Variants in KAZN observed in about 807,000 individuals in gnomAD.
The protein encoded by KAZN is kazrin.
In KAZN, 40 loss-of-function variants were observed where a neutral mutation model predicts 87.4. That is an observed-to-expected ratio of 0.46 (90% CI 0.36 to 0.60). KAZN has a LOEUF of 0.60. KAZN is among the 20% of genes least tolerant of loss of function. The pLI is 0.00. For synonymous variants in KAZN, 466 were observed against 458.3 expected (o/e 1.02, Z -0.22); for missense variants, 898 against 1,073.9 (o/e 0.84, Z 2.29).
chr1:14,346,480 A>G (rs1040697875), intron 2 of KAZN, among the ~76,000 whole-genome samples: 1 of 152,128 alleles, frequency 6.6e-6, no homozygotes, highest in Non-Finnish European at 1.5e-5. Flanking sequence ...GCTTGGCAAG[A>G]TAAGAGTAGG....
At chr1:14,386,878 A>G (rs1334061582) in intron 2 of KAZN, among the ~76,000 whole-genome samples, 1 of 152,074 alleles carries the variant, frequency 6.6e-6, no homozygotes, top group Non-Finnish European at 1.5e-5. Flanking sequence ...TGGATTGGGG[A>G]AGTTCCCCTG....
chr1:15,007,810 C>T (rs1669183014), intron 2 of KAZN, among the ~76,000 whole-genome samples: 1 of 152,214 alleles, frequency 6.6e-6, no homozygotes, highest in African/African-American at 2.4e-5. Flanking sequence ...AATGCCACCG[C>T]CCATTTCACT....
At chr1:14,827,339 A>G (rs1402757384) in intron 1 of KAZN, among the ~76,000 whole-genome samples, 1 of 151,946 alleles carries the variant, frequency 6.6e-6, no homozygotes, top group Non-Finnish European at 1.5e-5. Context: ...GATTTGTGAG[A>G]TTTTGGTGCA....
At chr1:14,836,367 T>G (rs914756397) in intron 1 of KAZN, among the ~76,000 whole-genome samples, 14 of 152,202 alleles carry the variant, frequency 9.2e-5, no homozygotes, top group African/African-American at 3.1e-4. Flanking sequence ...GGGGAGTGGG[T>G]GGGACGAGCT....
chr1:14,639,823 C>T (rs947311225), intron 1 of KAZN, among the ~76,000 whole-genome samples: 2 of 152,176 alleles, frequency 1.3e-5, no homozygotes, highest in African/African-American at 2.4e-5. Flanking sequence ...GGTGCACACC[C>T]GCTGTGGCCA....
At chr1:14,004,304 A>T (rs538929407) in intron 1 of KAZN, among the ~76,000 whole-genome samples, 1 of 152,352 alleles carries the variant, frequency 6.6e-6, no homozygotes, top group African/African-American at 2.4e-5. Context: ...ATTTTGGAAA[A>T]GTGTTTGGCA....
chr1:14,997,252 T>G (rs988824608), intron 2 of KAZN, among the ~76,000 whole-genome samples: 1 of 148,102 alleles, frequency 6.8e-6, no homozygotes, highest in Non-Finnish European at 1.5e-5. Context: ...TTTATTTATT[T>G]ATTTTGAGAC....
chr1:14,418,617 T>C (rs564217249), intron 2 of KAZN, among the ~76,000 whole-genome samples: 5 of 152,358 alleles, frequency 3.3e-5, no homozygotes, highest in East Asian at 1.9e-4. Context: ...GCTTGTTTTA[T>C]AGACAATCTG....
intron 2 of KAZN, among the ~76,000 whole-genome samples, chr1:14,323,027 A>G (rs1656154205): frequency 6.6e-6 from 1 of 152,170 alleles, no homozygotes; most frequent in Non-Finnish European, 1.5e-5. Context: ...AAGAGGGAAG[A>G]GCCCCTTATA....
intron 1 of KAZN, among the ~76,000 whole-genome samples, chr1:13,959,125 C>T (rs1641659152): frequency 6.6e-6 from 1 of 152,152 alleles, no homozygotes; most frequent in Non-Finnish European, 1.5e-5. Context: ...CTCTAGAAGC[C>T]CCTGGGAGGT....
At chr1:14,191,979 T>A (rs1025027716) in intron 2 of KAZN, among the ~76,000 whole-genome samples, 1 of 152,134 alleles carries the variant, frequency 6.6e-6, no homozygotes, top group Admixed American at 6.5e-5. Flanking sequence ...ACCAGCATCT[T>A]ACTCCTAGGT....
At chr1:15,036,053 CCTCA>C (rs1381759491) in intron 3 of KAZN, among the ~76,000 whole-genome samples, 2 of 152,012 alleles carry the variant, frequency 1.3e-5, no homozygotes, top group African/African-American at 4.8e-5. Flanking sequence ...ACCGCTGATT[CCTCA>C]CTGTCACCTC....
chr1:14,695,152 A>T (rs949400373), intron 1 of KAZN, among the ~76,000 whole-genome samples: 1 of 152,214 alleles, frequency 6.6e-6, no homozygotes, highest in Non-Finnish European at 1.5e-5. Context: ...TACTGCAATG[A>T]TGCTATCATA....
intron 1 of KAZN, among the ~76,000 whole-genome samples, chr1:14,675,311 C>G (rs1002231059): frequency 6.6e-6 from 1 of 152,326 alleles, no homozygotes; most frequent in East Asian, 1.9e-4. Context: ...TCTCAGAGTG[C>G]GTCTGGGATA....
At chr1:14,791,405 T>C (rs1645670545) in intron 1 of KAZN, among the ~76,000 whole-genome samples, 1 of 152,272 alleles carries the variant, frequency 6.6e-6, no homozygotes, top group East Asian at 1.9e-4. Context: ...CACAACTCTT[T>C]CCAAACTCGC....
At chr1:13,961,401 CA>C (rs1378942297) in intron 1 of KAZN, among the ~76,000 whole-genome samples, 1 of 152,118 alleles carries the variant, frequency 6.6e-6, no homozygotes, top group African/African-American at 2.4e-5. Flanking sequence ...TCATAAATGT[CA>C]CAGAGAAAAG....
At chr1:13,900,012 A>G (rs554970473) in intron 1 of KAZN, among the ~76,000 whole-genome samples, 334 of 152,212 alleles carry the variant, frequency 2.2e-3, no homozygotes, top group Middle Eastern at 3.4e-3. Context: ...GTTTTAGACC[A>G]TATCATTAGT....
chr1:14,237,692 C>G (rs992588378), intron 2 of KAZN, among the ~76,000 whole-genome samples: 19 of 152,052 alleles, frequency 1.2e-4, no homozygotes, highest in African/African-American at 4.6e-4. Flanking sequence ...TTATTAAGGA[C>G]CTACTGAGTG....
intron 8 of KAZN, 43 bp downstream of exon 8, chr1:15,065,796 G>A (rs1330513212): frequency 1.9e-6 from 3 of 1,606,386 alleles, no homozygotes; most frequent in Non-Finnish European, 2.6e-6. Context: ...GCGGACTGGT[G>A]ATACGCGCTC....
Sources: gnomAD v4.1 joint callset for allele counts (sites outside exome capture counted in the v4.1 genomes callset) on GRCh38, gnomAD v4.1.1 for gene constraint, MANE v1.5 for transcripts, NCBI Gene and HGNC (gene_info 2026-07-23, HGNC 2026-07-21) for gene names.